Variants in MLYCD observed in about 807,000 individuals in gnomAD.
MLYCD encodes malonyl-CoA decarboxylase.
A neutral mutation model predicts 35.8 loss-of-function variants in MLYCD; 27 were observed. The ratio of observed to expected loss-of-function variants is 0.75; its 90% CI spans 0.56 to 1.04. MLYCD has a LOEUF of 1.04. Ranked by LOEUF, MLYCD falls within the 50% of genes least tolerant of loss-of-function variation. The pLI, the probability that MLYCD is intolerant of heterozygous loss-of-function variation, is 0.00. For synonymous variants in MLYCD, 403 were observed against 302.4 expected, an observed-to-expected ratio of 1.33 and a Z score of -3.45; for missense variants, 917 against 665.1, an observed-to-expected ratio of 1.38 and a Z score of -4.17.
chr16:83,906,134 C>T (rs1318960087), intron 1 of MLYCD, among the ~76,000 whole-genome samples: 2 of 152,110 alleles, frequency 1.3e-5, no homozygotes, highest in African/African-American at 4.8e-5. Context: ...CGCCTGTAAT[C>T]CCAGCACTTT....
rs1362195978 is a variant in MLYCD, at chr16:83,916,086, T to G, written c.*597T>G. 9.0e-6 allele frequency: 9 copies of G among 997,056 alleles called. No homozygotes were observed. Among genetic ancestry groups the G allele is most frequent in the Non-Finnish European group, 1.1e-5 (9 of 835,544 alleles). 61.8% of individuals were successfully genotyped at this position (997,056 alleles called of 1,614,324 possible). ...TGTTGAACACAAAAATGTTGCTGCT[T>G]GAGGCATAAGTTGGATAATAGGCTT... On this transcript the variant is annotated 3_prime_UTR_variant, in exon 5 of 5. Coordinates refer to ENST00000262430, the MANE Select transcript of MLYCD (RefSeq NM_012213.3).
rs1004727412 is a variant in MLYCD at position 83,921,127 on chromosome 16, A to G, written c.*5638A>G. ...GGATGGATGGATGGATGGAGGGTAG[A>G]GTTTTAATGGAAGGAAGATGGATGG... is the stretch of plus-strand genomic sequence containing the variant. On this transcript the variant is annotated 3_prime_UTR_variant, in exon 5 of 5. Coordinates refer to ENST00000262430, the MANE Select transcript of MLYCD (RefSeq NM_012213.3). 17 of 147,144 alleles carry G rather than the reference A, an allele frequency of 1.2e-4. No individual in the cohort carries two copies. Among genetic ancestry groups the G allele is most frequent in the African/African-American group, 4.3e-4 (17 of 39,428 alleles). The allele number at this position is 147,144 out of a possible 1,614,324, so 9.1% of individuals were successfully genotyped here.
In MLYCD at chr16:83,922,415, C is replaced by G. The variant is rs924783907; in HGVS notation, c.*6926C>G. On this transcript the variant is annotated 3_prime_UTR_variant, in exon 5 of 5. Transcript: ENST00000262430. ...TGGGGTTCAGACTTGAGGGGTGCCA[C>G]TGGAGTTGGGGTGCACCTGCTCTCA... The G allele has an allele frequency of 3.3e-5, 5 of 152,460 alleles. No individual in the cohort carries two copies. The highest frequency in any genetic ancestry group is 1.3e-4 in the Admixed American group (2 of 15,296). The allele number at this position is 152,460 out of a possible 1,614,324, so 9.4% of individuals were successfully genotyped here.
chr16:83,914,535 G>A (rs747521992), intron 4 of MLYCD: 4 of 289,858 alleles, frequency 1.4e-5, no homozygotes, highest in African/African-American at 2.2e-5. Flanking sequence ...CGGTTTTGCC[G>A]ACATGAGAAG....
intron 1 of MLYCD, among the ~76,000 whole-genome samples, chr16:83,903,223 A>G (rs887455792): frequency 1.3e-5 from 2 of 152,184 alleles, no homozygotes; most frequent in Non-Finnish European, 2.9e-5. Context: ...CACAGAAACT[A>G]GAGAAGGGAC....
rs1907541120 is a variant in MLYCD, at chr16:83,918,945, GCA to G, written c.*3463_*3464del. 6.9e-6 allele frequency: 1 copy of G among 144,648 alleles called. No homozygotes were observed. Among genetic ancestry groups the G allele is most frequent in the Non-Finnish European group, 1.5e-5 (1 of 66,854 alleles). 9.0% of individuals were successfully genotyped at this position (144,648 alleles called of 1,614,324 possible). ...GCATAAACAGTTCACAGGAGAACAC[GCA>G]CACACAGTGCATAGAGCACAGACAC... On this transcript the variant is annotated 3_prime_UTR_variant, in exon 5 of 5. Transcript: ENST00000262430.
chr16:83,918,007 G>A lies in MLYCD; in HGVS notation c.*2518G>A, dbSNP rs1025995917. ...AGGCTTTGGCTCACCAGAGGAGTTT[G>A]TAGATGTCAGTCATCCCCAAGTCAC... is the stretch of plus-strand genomic sequence containing the variant. On this transcript the variant is annotated 3_prime_UTR_variant, in exon 5 of 5. Transcript: ENST00000262430. The A allele has an allele frequency of 6.6e-6, 1 of 152,204 alleles. No homozygotes were observed. The highest frequency in any genetic ancestry group is 2.4e-5 in the African/African-American group (1 of 41,448). The allele number at this position is 152,204 out of a possible 1,614,324, so 9.4% of individuals were successfully genotyped here.
At position 83,915,955 on chromosome 16, in the gene MLYCD, T is replaced by G; in HGVS notation, c.*466T>G. ...GCTTTAGCCGTTTCTCACCATGCAATGCAGAGGGACAAAGGGCTGTGCTAC... is the reference window on the plus strand; with the variant it reads ...GCTTTAGCCGTTTCTCACCATGCAAGGCAGAGGGACAAAGGGCTGTGCTAC... On this transcript the variant is annotated 3_prime_UTR_variant, in exon 5 of 5. Transcript: ENST00000262430. 2 of 1,058,616 alleles carry G rather than the reference T, an allele frequency of 1.9e-6. No individual in the cohort carries two copies. Among genetic ancestry groups the G allele is most frequent in the African/African-American group, 3.3e-5 (2 of 60,936 alleles). 65.6% of individuals were successfully genotyped at this position (1,058,616 alleles called of 1,614,324 possible).
intron 3 of MLYCD, among the ~76,000 whole-genome samples, chr16:83,911,317 T>C (rs936488012): frequency 1.6e-4 from 24 of 152,256 alleles, no homozygotes; most frequent in Non-Finnish European, 5.9e-5. Context: ...GTTCATGGAC[T>C]GACTACGAGA....
chr16:83,920,294 G>C lies in MLYCD; in HGVS notation c.*4805G>C, dbSNP rs528118373. The C allele has an allele frequency of 7.9e-5, 12 of 152,274 alleles. No homozygotes were observed. Among genetic ancestry groups the C allele is most frequent in the Admixed American group, 7.2e-4 (11 of 15,292 alleles). 9.4% of individuals were successfully genotyped at this position (152,274 alleles called of 1,614,324 possible). A position where few individuals can be genotyped will look rare whatever the true frequency, so the allele number is the denominator to read the frequency against. The stretch of plus-strand genomic sequence containing the variant: ...CTCCAGCTCACGTGAGGCTAGGCAC[G>C]GGTTCCTCAAAACCTTTTTGGGCAG... On this transcript the variant is annotated 3_prime_UTR_variant, in exon 5 of 5. Transcript: ENST00000262430.
At chr16:83,910,987 CT>C (rs1907157766) in intron 3 of MLYCD, among the ~76,000 whole-genome samples, 1 of 151,662 alleles carries the variant, frequency 6.6e-6, no homozygotes, top group Non-Finnish European at 1.5e-5. Flanking sequence ...TTCTTTTTTT[CT>C]TTTTTTTGAG....
chr16:83,910,774 A>G (rs910304414), intron 3 of MLYCD, among the ~76,000 whole-genome samples: 1 of 151,824 alleles, frequency 6.6e-6, no homozygotes, highest in Non-Finnish European at 1.5e-5. Flanking sequence ...GCTCTTCCAT[A>G]GAGCACGGTG....
In MLYCD at chr16:83,921,270, G is replaced by A. The variant is rs1269193782; in HGVS notation, c.*5781G>A. On this transcript the variant is annotated 3_prime_UTR_variant, in exon 5 of 5. Coordinates refer to ENST00000262430, the MANE Select transcript of MLYCD (RefSeq NM_012213.3). ...TGAATAGATGGGTGGGTGGGTGGAT[G>A]TTTGGATGGATGGTGGAGGGCAGAG... 4 of 150,740 alleles carry A rather than the reference G, an allele frequency of 2.7e-5. No homozygotes were observed. The highest frequency in any genetic ancestry group is 6.6e-5 in the Admixed American group (1 of 15,104). 9.3% of individuals were successfully genotyped at this position (150,740 alleles called of 1,614,324 possible).
At chr16:83,908,967 A>G (rs1373809680) in intron 3 of MLYCD, among the ~76,000 whole-genome samples, 1 of 152,184 alleles carries the variant, frequency 6.6e-6, no homozygotes, top group Non-Finnish European at 1.5e-5. Context: ...GCTGTTAGGA[A>G]GCTAAGTGGA....
Position 83,924,983 on chromosome 16 carries a change from C to T in MLYCD, c.*9494C>T, listed in dbSNP as rs996750651. 9.8e-5 allele frequency: 15 copies of T among 152,368 alleles called. No individual in the cohort carries two copies. Among genetic ancestry groups the T allele is most frequent in the African/African-American group, 3.6e-4 (15 of 41,466 alleles). 9.4% of individuals were successfully genotyped at this position (152,368 alleles called of 1,614,324 possible). On this transcript the variant is annotated 3_prime_UTR_variant, in exon 5 of 5. Transcript: ENST00000262430. ...GGGAGTCCCCTCCTTCTCTAAGGAT[C>T]TCACCCCCATCCGTGTCTCTGCTGT...
Position 83,924,933 on chromosome 16 carries a change from TAGTC to T in MLYCD, c.*9447_*9450del, listed in dbSNP as rs558296720. 388 of 152,484 alleles carry T rather than the reference TAGTC, an allele frequency of 2.5e-3. 1 individual carries two copies. The highest frequency in any genetic ancestry group is 6.9e-3 in the African/African-American group (285 of 41,590). 9.4% of individuals were successfully genotyped at this position (152,484 alleles called of 1,614,324 possible). On this transcript the variant is annotated 3_prime_UTR_variant, in exon 5 of 5. Coordinates refer to ENST00000262430, the MANE Select transcript of MLYCD (RefSeq NM_012213.3). ...ATCCCCACCTGTGCTCCGCCACTCTTAGTCAGCCATTCCTCTCGGCTTCCGGGAG... is the reference window on the plus strand; with the variant it reads ...ATCCCCACCTGTGCTCCGCCACTCTTAGCCATTCCTCTCGGCTTCCGGGAG...
At chr16:83,900,297 A>C (rs1016617079) in intron 1 of MLYCD, among the ~76,000 whole-genome samples, 1 of 152,232 alleles carries the variant, frequency 6.6e-6, no homozygotes, top group African/African-American at 2.4e-5. Context: ...ATCAGGCATT[A>C]GCACAGTTCA....
rs943588225 is a variant in MLYCD at position 83,920,689 on chromosome 16, T to C, written c.*5200T>C. The C allele has an allele frequency of 3.9e-5, 6 of 152,190 alleles. No individual in the cohort carries two copies. Among genetic ancestry groups the C allele is most frequent in the Admixed American group, 1.3e-4 (2 of 15,268 alleles). The allele number at this position is 152,190 out of a possible 1,614,324, so 9.4% of individuals were successfully genotyped here. A position where few individuals can be genotyped will look rare whatever the true frequency, so the allele number is the denominator to read the frequency against. ...AGACTGCAACTCCTAGTTCCCACCTTTCACACCTCATCTCTCTAACCTCTT... is the reference window on the plus strand; with the variant it reads ...AGACTGCAACTCCTAGTTCCCACCTCTCACACCTCATCTCTCTAACCTCTT... On this transcript the variant is annotated 3_prime_UTR_variant, in exon 5 of 5. Coordinates refer to ENST00000262430, the MANE Select transcript of MLYCD (RefSeq NM_012213.3).
intron 1 of MLYCD, among the ~76,000 whole-genome samples, chr16:83,906,203 G>A (rs1259710776): frequency 6.6e-6 from 1 of 151,944 alleles, no homozygotes; most frequent in Admixed American, 6.6e-5. Flanking sequence ...CCTGGGCAAC[G>A]TGGCAAAACC....
Sources: allele counts gnomAD v4.1 joint callset (sites outside exome capture counted in the v4.1 genomes callset), GRCh38; gene constraint gnomAD v4.1.1; transcripts MANE v1.5; gene names NCBI Gene and HGNC (gene_info 2026-07-23, HGNC 2026-07-21).